PTPRG: variants seen among roughly 807,000 people sequenced by gnomAD.
The protein encoded by PTPRG is receptor-type tyrosine-protein phosphatase gamma.
PTPRG carries 102 observed loss-of-function variants against 165.3 expected under a neutral mutation model. That is an observed-to-expected ratio of 0.62 (90% CI 0.53 to 0.73). PTPRG has a LOEUF of 0.73. Ranked by LOEUF, PTPRG falls within the 30% of genes least tolerant of loss-of-function variation. The pLI is 0.00. For missense variants in PTPRG, 1,866 were observed against 1,861.4 expected, an observed-to-expected ratio of 1.00 and a Z score of -0.05; for synonymous variants, 675 against 669.5, an observed-to-expected ratio of 1.01 and a Z score of -0.13.
intron 16 of PTPRG, among the ~76,000 whole-genome samples, chr3:62,259,395 G>T (rs1701627440): frequency 6.6e-6 from 1 of 151,906 alleles, no homozygotes; most frequent in Non-Finnish European, 1.5e-5. Flanking sequence ...GAGCTGATGA[G>T]CTAAAAAATT....
At chr3:61,597,887 T>G (rs1312750952) in intron 1 of PTPRG, among the ~76,000 whole-genome samples, 2 of 152,248 alleles carry the variant, frequency 1.3e-5, no homozygotes, top group Non-Finnish European at 2.9e-5. Flanking sequence ...GCCATTGTCA[T>G]GGAGTATAAA....
At chr3:62,039,838 T>TC (rs1247512556) in intron 4 of PTPRG, among the ~76,000 whole-genome samples, 6 of 92,400 alleles carry the variant, frequency 6.5e-5, no homozygotes, top group African/African-American at 2.7e-4. Context: ...CTTGCCTTTT[T>TC]TCCCCCAGCC....
chr3:61,680,500 T>TG (rs1703393773), intron 1 of PTPRG, among the ~76,000 whole-genome samples: 5 of 54,816 alleles, frequency 9.1e-5, no homozygotes, highest in Non-Finnish European at 1.4e-4. Flanking sequence ...TTCAGCTTTA[T>TG]GAAAAAAAAA....
At chr3:61,750,675 T>A (rs1314727995) in intron 2 of PTPRG, 2 of 152,252 alleles carry the variant, frequency 1.3e-5, no homozygotes, top group Non-Finnish European at 2.9e-5. Flanking sequence ...ACTCTGCCAT[T>A]GTAGCTTAAA....
chr3:62,023,078 A>C (rs1251182763), intron 4 of PTPRG, among the ~76,000 whole-genome samples: 1 of 152,170 alleles, frequency 6.6e-6, no homozygotes, highest in South Asian at 2.1e-4. Context: ...CTTTACAGCT[A>C]TATATATTAT....
chr3:62,174,061 C>T (rs559188046), intron 8 of PTPRG, among the ~76,000 whole-genome samples: 47 of 152,278 alleles, frequency 3.1e-4, no homozygotes, highest in Admixed American at 4.6e-4. Context: ...GCCACTCTGC[C>T]CTTTGTCGGC....
chr3:62,050,899 T>C (rs113064937), intron 4 of PTPRG, among the ~76,000 whole-genome samples: 10 of 152,328 alleles, frequency 6.6e-5, no homozygotes, highest in African/African-American at 1.9e-4. Flanking sequence ...CCTTTCTAAA[T>C]ATTTCCGGAA....
chr3:62,293,990 TA>T lies in PTPRG; in HGVS notation c.*686del, dbSNP rs1350592768. 1 of 152,554 alleles carries T rather than the reference TA, an allele frequency of 6.6e-6. No individual in the cohort carries two copies. The highest frequency in any genetic ancestry group is 1.5e-5 in the Non-Finnish European group (1 of 68,000). The allele number at this position is 152,554 out of a possible 1,614,324, so 9.5% of individuals were successfully genotyped here. A position where few individuals can be genotyped will look rare whatever the true frequency, so the allele number is the denominator to read the frequency against. On this transcript the variant is annotated 3_prime_UTR_variant, in exon 30 of 30. Transcript: ENST00000474889. ...ACAGTTTTTTAAAAATGTGTCAAAA[TA>T]AAGGATAACTCTGTATTACAGCTTT...
intron 8 of PTPRG, among the ~76,000 whole-genome samples, chr3:62,175,760 G>A (rs1312793345): frequency 6.6e-6 from 1 of 152,184 alleles, no homozygotes; most frequent in African/African-American, 2.4e-5. Context: ...TGCTAAGAGC[G>A]GTAGAGTGTG....
At chr3:61,684,238 A>G (rs4688267) in intron 1 of PTPRG, among the ~76,000 whole-genome samples, 74,861 of 151,982 alleles carry the variant, frequency 0.49, 20,765 homozygotes, top group East Asian at 0.81. Flanking sequence ...GCTGGTGGTG[A>G]TGGTGGGGGA....
rs150646664 is a variant in PTPRG at position 62,185,863 on chromosome 3, C to T, written c.1034-5606C>T. ...AGATAATTGCTAGACCCTAGTCATCCATTTTACAGATGCGGACACAGGATT... is the reference window on the plus strand; with the variant it reads ...AGATAATTGCTAGACCCTAGTCATCTATTTTACAGATGCGGACACAGGATT... On this transcript the variant is annotated intron_variant, in intron 8 of 29. Coordinates refer to ENST00000474889, the MANE Select transcript of PTPRG (RefSeq NM_002841.4). Among the ~76,000 whole-genome samples the T allele has an allele frequency of 5.9e-5, 9 of 152,326 alleles. No homozygotes were observed. In the East Asian group the frequency reaches 1.7e-3, roughly 29 times the overall value.
intron 3 of PTPRG, among the ~76,000 whole-genome samples, chr3:61,996,548 T>C (rs2041044517): frequency 6.6e-6 from 1 of 152,188 alleles, no homozygotes. Context: ...TTTGGAAACA[T>C]CTGGGCCCTT....
chr3:61,933,722 A>G (rs953973045), intron 2 of PTPRG, among the ~76,000 whole-genome samples: 18 of 151,822 alleles, frequency 1.2e-4, no homozygotes, highest in African/African-American at 4.1e-4. Flanking sequence ...TTTCCTCTCC[A>G]TTTTCTAGAG....
chr3:61,566,809 C>G (rs958219151), intron 1 of PTPRG, among the ~76,000 whole-genome samples: 1 of 152,222 alleles, frequency 6.6e-6, no homozygotes, highest in Admixed American at 6.5e-5. Context: ...TGCTTTAACA[C>G]TTTGCTTTTA....
intron 1 of PTPRG, among the ~76,000 whole-genome samples, chr3:61,747,499 G>A (rs2033257400): frequency 6.6e-6 from 1 of 152,120 alleles, no homozygotes; most frequent in South Asian, 2.1e-4. Context: ...TACTTTTTAG[G>A]CTTGTGTTGA....
intron 14 of PTPRG, among the ~76,000 whole-genome samples, chr3:62,239,349 C>CTTTT (rs1168589653): frequency 2.6e-4 from 37 of 144,086 alleles, no homozygotes; most frequent in African/African-American, 9.0e-4. Context: ...TTCTTTCTTT[C>CTTTT]TTTTTTCTTT....
At chr3:61,964,318 C>T (rs745601696) in intron 2 of PTPRG, among the ~76,000 whole-genome samples, 1 of 152,164 alleles carries the variant, frequency 6.6e-6, no homozygotes, top group South Asian at 2.1e-4. Flanking sequence ...GTAATCTTCA[C>T]TGAAGTATAA....
intron 2 of PTPRG, among the ~76,000 whole-genome samples, chr3:61,935,722 A>G (rs1280011388): frequency 2.0e-5 from 3 of 148,334 alleles, no homozygotes; most frequent in African/African-American, 5.0e-5. Flanking sequence ...TAATTTCTGT[A>G]TATTTGCAAG....
intron 12 of PTPRG, among the ~76,000 whole-genome samples, chr3:62,205,129 C>G (rs1700197431): frequency 6.6e-6 from 1 of 151,974 alleles, no homozygotes; most frequent in Non-Finnish European, 1.5e-5. Flanking sequence ...TTTTGAATTA[C>G]TTTCCTCTTA....
Sources: allele counts gnomAD v4.1 joint callset (sites outside exome capture counted in the v4.1 genomes callset), GRCh38; gene constraint gnomAD v4.1.1; transcripts MANE v1.5; gene names NCBI Gene and HGNC (gene_info 2026-07-23, HGNC 2026-07-21).